TCF24: variants seen among roughly 807,000 people sequenced by gnomAD.
TCF24 encodes transcription factor 24.
TCF24 carries 5 observed loss-of-function variants against 9.3 expected under a neutral mutation model. That is an observed-to-expected ratio of 0.54 (90% confidence interval 0.28 to 1.13). TCF24 has a LOEUF of 1.13. TCF24 is among the 50% of genes most tolerant of loss of function. The pLI is 0.09. For missense variants in TCF24, 220 were observed against 236.1 expected (o/e 0.93, Z 0.45); for synonymous variants, 110 against 115.8 (o/e 0.95, Z 0.32).
chr8:66,949,770 G>A (rs1814027052), intron 3 of TCF24, among the ~76,000 whole-genome samples: 1 of 150,590 alleles, frequency 6.6e-6, no homozygotes. Context: ...AGCACCTGTT[G>A]TTTCCTGACT....
chr8:66,953,258 G>A lies in TCF24; in HGVS notation c.391-5094C>T, dbSNP rs1383559541. On this transcript the variant is annotated intron_variant, in intron 3 of 3. Transcript: ENST00000563496. ...CCGGTTGTTCCTTTCCATGTTTAGC[G>A]CTTCCTTCAGGAGCTCTTTTAGGGC... 2.3e-4 allele frequency among the ~76,000 whole-genome samples: 35 copies of A among 151,824 alleles called. 1 individual carries two copies. The highest frequency in any genetic ancestry group is 5.3e-4 in the African/African-American group (22 of 41,316).
intron 3 of TCF24, among the ~76,000 whole-genome samples, chr8:66,957,895 TAAAAAAAAAAAAAAAAA>T (rs11299517): frequency 4.6e-5 from 2 of 43,036 alleles, no homozygotes; most frequent in East Asian, 8.2e-4. Context: ...TAAGAATTGC[TAAAAAAAAAAAAAAAAA>T]AAAAAAAAAA....
intron 3 of TCF24, among the ~76,000 whole-genome samples, chr8:66,949,445 T>A (rs1363074457): frequency 6.6e-6 from 1 of 152,218 alleles, no homozygotes; most frequent in African/African-American, 2.4e-5. Context: ...CATCATTTTT[T>A]ATGGCTGCAT....
intron 3 of TCF24, among the ~76,000 whole-genome samples, chr8:66,952,494 T>G (rs1158481250): frequency 1.4e-5 from 2 of 147,486 alleles, no homozygotes; most frequent in Non-Finnish European, 3.0e-5. Context: ...TTACATTTGC[T>G]GAGGAGAGCT....
At chr8:66,958,775 G>A (rs1814208144) in intron 3 of TCF24, among the ~76,000 whole-genome samples, 1 of 152,052 alleles carries the variant, frequency 6.6e-6, no homozygotes, top group African/African-American at 2.4e-5. Context: ...TAAATAAGGG[G>A]CACAATAATA....
chr8:66,961,622 C>A lies in TCF24; in HGVS notation c.144G>T (p.Gly48=), dbSNP rs903381273. 3.1e-6 allele frequency: 4 copies of A among 1,277,760 alleles called. No individual in the cohort carries two copies. In the African/African-American group the frequency reaches 6.2e-5, roughly 20 times the overall value. 79.2% of individuals were successfully genotyped at this position (1,277,760 alleles called of 1,614,324 possible). ...GCGCCGCATTCGCCGCCGCCGGCCG[C>A]CCGCTCCCGGAACGCGAGCCGCCCC... The part of the protein sequence containing the change: ...GPGGGSRSGS[G]RPAAANAARE... Residue 48 remains glycine (G), a synonymous_variant, in exon 3 of 4, where the codon GGG becomes GGT. Transcript: ENST00000563496.
chr8:66,951,769 A>G (rs1814062267), intron 3 of TCF24, among the ~76,000 whole-genome samples: 1 of 152,062 alleles, frequency 6.6e-6, no homozygotes, highest in East Asian at 1.9e-4. Context: ...CCACACTTTC[A>G]GCTCCTGTTA....
Position 66,947,970 on chromosome 8 carries a change from C to G in TCF24, c.*81G>C. 4 of 1,051,604 alleles carry G rather than the reference C, an allele frequency of 3.8e-6. No homozygotes were observed. The highest frequency in any genetic ancestry group is 5.3e-6 in the Non-Finnish European group (4 of 758,302). The allele number at this position is 1,051,604 out of a possible 1,614,324, so 65.1% of individuals were successfully genotyped here. ...TAAACTTTCAGAAATTTTGTTATGT[C>G]TCATATAATAAATATAGAATTATGT... On this transcript the variant is annotated 3_prime_UTR_variant, in exon 4 of 4. Coordinates refer to ENST00000563496, the MANE Select transcript of TCF24 (RefSeq NM_001193502.2).
At chr8:66,960,602 A>T (rs1336292060) in intron 3 of TCF24, among the ~76,000 whole-genome samples, 1 of 152,212 alleles carries the variant, frequency 6.6e-6, no homozygotes, top group Non-Finnish European at 1.5e-5. Flanking sequence ...TGCAGTAGGT[A>T]ACGAAGCATA....
At chr8:66,948,909 C>T (rs1814010401) in intron 3 of TCF24, among the ~76,000 whole-genome samples, 1 of 152,022 alleles carries the variant, frequency 6.6e-6, no homozygotes, top group Admixed American at 6.6e-5. Flanking sequence ...CTGTCCACGT[C>T]GGTCTTGAAC....
At chr8:66,951,822 GGA>G (rs1814063008) in intron 3 of TCF24, among the ~76,000 whole-genome samples, 1 of 151,644 alleles carries the variant, frequency 6.6e-6, no homozygotes, top group Non-Finnish European at 1.5e-5. Flanking sequence ...TTTAGTCTTG[GGA>G]GAGTGTATGT....
intron 3 of TCF24, among the ~76,000 whole-genome samples, chr8:66,960,279 A>G (rs1374869349): frequency 6.6e-6 from 1 of 152,190 alleles, no homozygotes; most frequent in African/African-American, 2.4e-5. Context: ...CATTATGATT[A>G]TATTTGCAAA....
At chr8:66,956,198 G>T (rs55878601) in intron 3 of TCF24, among the ~76,000 whole-genome samples, 2,172 of 152,240 alleles carry the variant, frequency 0.014, 49 homozygotes, top group African/African-American at 0.049. Context: ...GGGCTCAAGT[G>T]AGCCTCCTGC....
chr8:66,955,243 T>C (rs997289660), intron 3 of TCF24: 22 of 152,164 alleles, frequency 1.4e-4, no homozygotes, highest in African/African-American at 4.6e-4. Context: ...CAGACAGACA[T>C]AATGATGAAA....
intron 3 of TCF24, among the ~76,000 whole-genome samples, chr8:66,954,814 C>A (rs192014892): frequency 6.6e-6 from 1 of 150,820 alleles, no homozygotes; most frequent in African/African-American, 2.4e-5. Flanking sequence ...TTTTTTAAGC[C>A]GGTCCGAAAA....
In TCF24 at chr8:66,962,327, A is replaced by G. The variant is rs756087747; in HGVS notation, c.-135+2T>C. The stretch of plus-strand genomic sequence containing the variant: ...GCAGTACGCGTCTGACGGGCCCCTC[A>G]CCTTTCCTGGAGCGGCTGAGTGGAG... On this transcript the variant is annotated splice_donor_variant, in intron 1 of 3. Transcript: ENST00000563496. LOFTEE classifies it low-confidence loss of function (5UTR_SPLICE). 3 of 152,444 alleles carry G rather than the reference A, an allele frequency of 2.0e-5. No homozygotes were observed. The highest frequency in any genetic ancestry group is 6.5e-5 in the Admixed American group (1 of 15,298). 9.4% of individuals were successfully genotyped at this position (152,444 alleles called of 1,614,324 possible).
rs1014960962 is a variant in TCF24, at chr8:66,961,620, C to G, written c.146G>C (p.Arg49Pro). The G allele has an allele frequency of 1.3e-5, 16 of 1,277,170 alleles. No individual in the cohort carries two copies. The African/African-American group carries it at 1.8e-4, about 15-fold the overall frequency. The allele number at this position is 1,277,170 out of a possible 1,614,324, so 79.1% of individuals were successfully genotyped here. A position where few individuals can be genotyped will look rare whatever the true frequency, so the allele number is the denominator to read the frequency against. Reference protein sequence around the residue: ...PGGGSRSGSGRPAAANAARER... With the variant: ...PGGGSRSGSGPPAAANAARER... Reference sequence around the variant, plus strand: ...CCGCGCCGCATTCGCCGCCGCCGGCCGCCCGCTCCCGGAACGCGAGCCGCC... The same window carrying G: ...CCGCGCCGCATTCGCCGCCGCCGGCGGCCCGCTCCCGGAACGCGAGCCGCC... Residue 49 changes from arginine to proline, a missense_variant, in exon 3 of 4, where the codon CGG (arginine) becomes CCG (proline). Physicochemically the swap from Arg to Pro is moderately radical, Grantham distance 103 (BLOSUM62 -2). Transcript: ENST00000563496.
At chr8:66,952,181 G>GA (rs1814070330) in intron 3 of TCF24, among the ~76,000 whole-genome samples, 1 of 147,208 alleles carries the variant, frequency 6.8e-6, no homozygotes, top group South Asian at 2.2e-4. Flanking sequence ...TTTTAATTGT[G>GA]ATGTTAGGAT....
intron 3 of TCF24, among the ~76,000 whole-genome samples, chr8:66,959,554 T>C (rs1323267232): frequency 6.6e-6 from 1 of 152,214 alleles, no homozygotes; most frequent in African/African-American, 2.4e-5. Flanking sequence ...TTATGGAAAA[T>C]ATAACATTCT....
Sources: gnomAD v4.1 joint callset for allele counts (sites outside exome capture counted in the v4.1 genomes callset) on GRCh38, gnomAD v4.1.1 for gene constraint, MANE v1.5 for transcripts, NCBI Gene and HGNC (gene_info 2026-07-23, HGNC 2026-07-21) for gene names.